Variants in DNAH3 observed in about 807,000 individuals in gnomAD.
DNAH3 encodes axonemal beta dynein heavy chain 3.
DNAH3 carries 332 observed loss-of-function variants against 432.5 expected under a neutral mutation model. The observed-to-expected ratio is 0.77, with a 90% CI of 0.70 to 0.84. The LOEUF is 0.84. Among genes scored for constraint, DNAH3 ranks in the 40% least tolerant of loss-of-function variants. DNAH3 has a pLI of 0.00. For synonymous variants in DNAH3, 1,956 were observed against 1,900.2 expected, an observed-to-expected ratio of 1.03 and a Z score of -0.76; for missense variants, 4,861 against 5,114.0, an observed-to-expected ratio of 0.95 and a Z score of 1.51.
At chr16:21,026,999 C>T (rs1405987913) in intron 38 of DNAH3, 28 bp downstream of exon 38, 4 of 1,558,072 alleles carry the variant, frequency 2.6e-6, no homozygotes, top group South Asian at 2.2e-5. Flanking sequence ...CACACTGTCC[C>T]CCGGGGTGCC....
chr16:21,098,737 T>C (rs771095629), exon 17 of DNAH3: 3 of 1,613,324 alleles, frequency 1.9e-6, no homozygotes, highest in South Asian at 2.2e-5. Context: ...TTCTCTGTGG[T>C]AGCCCTCAAG....
At chr16:20,951,767 TAG>T (rs2084325741) in intron 56 of DNAH3, among the ~76,000 whole-genome samples, 2 of 115,010 alleles carry the variant, frequency 1.7e-5, no homozygotes, top group Admixed American at 1.9e-4. Flanking sequence ...TTTTTTGAGA[TAG>T]AGTCTCTGTC....
chr16:21,054,461 G>T, exon 28 of DNAH3: 1 of 1,614,172 alleles, frequency 6.2e-7, no homozygotes, highest in Admixed American at 1.7e-5. Context: ...AGTGAGTCGA[G>T]CTCCACTGCT....
At chr16:21,101,788 G>A (rs77902392) in intron 16 of DNAH3, among the ~76,000 whole-genome samples, 304 of 152,320 alleles carry the variant, frequency 2.0e-3, no homozygotes, top group African/African-American at 7.0e-3. Flanking sequence ...CAGGGAGGGA[G>A]AGGAGGAAAA....
chr16:21,018,647 C>T (rs1020663932), intron 41 of DNAH3, among the ~76,000 whole-genome samples: 1 of 152,148 alleles, frequency 6.6e-6, no homozygotes, highest in African/African-American at 2.4e-5. Context: ...GTAATCCCAG[C>T]ACTTTTGGAG....
At chr16:21,156,202 TTATTTTATTTTATTTTATTTTA>T (rs1462597543) in intron 1 of DNAH3, among the ~76,000 whole-genome samples, 1 of 141,398 alleles carries the variant, frequency 7.1e-6, no homozygotes, top group Non-Finnish European at 1.5e-5. Flanking sequence ...TTTATTTTAT[TTATTTTATTTTATTTTATTTTA>T]TTATTTTATT....
chr16:20,956,088 C>T (rs1032856356), intron 54 of DNAH3, among the ~76,000 whole-genome samples: 21 of 151,720 alleles, frequency 1.4e-4, no homozygotes, highest in African/African-American at 4.6e-4. Context: ...CCACTATGCC[C>T]GGCTAATTTT....
chr16:20,974,964 G>A (rs192928694), intron 51 of DNAH3, among the ~76,000 whole-genome samples: 10 of 148,708 alleles, frequency 6.7e-5, no homozygotes, highest in African/African-American at 2.5e-4. Flanking sequence ...GATTACAGAT[G>A]CACGCCACCA....
At chr16:21,109,864 G>A (rs1419303852) in intron 14 of DNAH3, among the ~76,000 whole-genome samples, 1 of 151,706 alleles carries the variant, frequency 6.6e-6, no homozygotes, top group Non-Finnish European at 1.5e-5. Context: ...TCAGCCTCTT[G>A]AGTAGCTGGG....
chr16:20,948,696 G>A, intron 56 of DNAH3, 59 bp from the exon 57 acceptor site: 6 of 1,583,176 alleles, frequency 3.8e-6, no homozygotes, highest in Non-Finnish European at 5.2e-6. Flanking sequence ...CGAGCTTGGT[G>A]GTTGATGTAA....
chr16:20,949,368 CA>C (rs71149201), intron 56 of DNAH3, among the ~76,000 whole-genome samples: 7 of 143,612 alleles, frequency 4.9e-5, no homozygotes, highest in African/African-American at 7.7e-5. Context: ...AAAACAGAAA[CA>C]AAAAAAAAGA....
intron 1 of DNAH3, among the ~76,000 whole-genome samples, chr16:21,156,945 C>T (rs1597509180): frequency 6.6e-6 from 1 of 150,900 alleles, no homozygotes; most frequent in East Asian, 1.9e-4. Context: ...CTCAGCTTTC[C>T]AAAGCAACTT....
intron 16 of DNAH3, among the ~76,000 whole-genome samples, chr16:21,103,747 T>G (rs1159271500): frequency 6.6e-6 from 1 of 152,102 alleles, no homozygotes; most frequent in Non-Finnish European, 1.5e-5. Context: ...GAGTGGGAGT[T>G]TCTTATGTGA....
chr16:21,134,943 C>T (rs1206694590), intron 6 of DNAH3, among the ~76,000 whole-genome samples: 1 of 152,174 alleles, frequency 6.6e-6, no homozygotes, highest in African/African-American at 2.4e-5. Flanking sequence ...CCGCCTCGGC[C>T]TCCCAAAGTG....
chr16:21,037,879 G>C (rs2089249939), exon 34 of DNAH3: 21 of 1,614,100 alleles, frequency 1.3e-5, no homozygotes, highest in Non-Finnish European at 1.8e-5. Flanking sequence ...TCCTGCGGCA[G>C]TAAGCACAGA....
chr16:20,947,013 CAG>C (rs1365924902), intron 57 of DNAH3, among the ~76,000 whole-genome samples: 18 of 151,496 alleles, frequency 1.2e-4, no homozygotes. Context: ...TTAGTAGAGA[CAG>C]AATTTCACCA....
chr16:21,047,059 G>A (rs330141), intron 31 of DNAH3, among the ~76,000 whole-genome samples: 3,517 of 152,144 alleles, frequency 0.023, 145 homozygotes, highest in African/African-American at 0.079. Context: ...TTACTCTGAC[G>A]CGCTTCCCTT....
At chr16:21,034,001 C>T in exon 36 of DNAH3, 1 of 1,613,746 alleles carries the variant, frequency 6.2e-7, no homozygotes. Flanking sequence ...AGAGCTGCAG[C>T]CAACACTTTA....
At chr16:21,025,399 T>A (rs1046741284) in intron 38 of DNAH3, among the ~76,000 whole-genome samples, 6 of 148,016 alleles carry the variant, frequency 4.1e-5, no homozygotes, top group East Asian at 1.9e-4. Flanking sequence ...TTATTATATA[T>A]TAGCACATAA....
Sources: allele counts gnomAD v4.1 joint callset (sites outside exome capture counted in the v4.1 genomes callset), GRCh38; gene constraint gnomAD v4.1.1; transcripts MANE v1.5; gene names NCBI Gene and HGNC (gene_info 2026-07-23, HGNC 2026-07-21).